Variants in SLC14A2 observed in about 807,000 individuals in gnomAD.
SLC14A2 encodes the protein urea transporter 2.
A neutral mutation model predicts 104.6 loss-of-function variants in SLC14A2; 91 were observed. The ratio of observed to expected loss-of-function variants is 0.87; its 90% confidence interval spans 0.73 to 1.04. The LOEUF is 1.04. Among genes scored for constraint, SLC14A2 ranks in the 50% least tolerant of loss-of-function variants. The pLI, the probability that SLC14A2 is intolerant of heterozygous loss-of-function variation, is 0.00. For missense variants in SLC14A2, 1,189 were observed against 1,156.0 expected (o/e 1.03, Z -0.41); for synonymous variants, 476 against 466.4 (o/e 1.02, Z -0.27).
At chr18:45,377,370 C>T (rs1213893489) in intron 1 of SLC14A2, among the ~76,000 whole-genome samples, 1 of 152,044 alleles carries the variant, frequency 6.6e-6, no homozygotes, top group Non-Finnish European at 1.5e-5. Flanking sequence ...ATAACATTGG[C>T]ATCTACTCCA....
intron 1 of SLC14A2, among the ~76,000 whole-genome samples, chr18:45,471,321 C>T (rs926367607): frequency 2.0e-5 from 3 of 152,096 alleles, no homozygotes; most frequent in South Asian, 4.1e-4. Flanking sequence ...TTGTTTGTTT[C>T]GCTTTTTGTT....
intron 1 of SLC14A2, among the ~76,000 whole-genome samples, chr18:45,298,445 G>C (rs546100596): frequency 6.6e-6 from 1 of 152,288 alleles, no homozygotes; most frequent in East Asian, 1.9e-4. Flanking sequence ...CGTAGCAAGA[G>C]GTATGGTGTG....
chr18:45,310,154 G>A (rs1387216997), intron 1 of SLC14A2, among the ~76,000 whole-genome samples: 1 of 152,108 alleles, frequency 6.6e-6, no homozygotes, highest in Non-Finnish European at 1.5e-5. Context: ...CCATCCTAAT[G>A]ATGCTTCAAC....
chr18:45,273,247 C>T (rs2084669286), intron 1 of SLC14A2, among the ~76,000 whole-genome samples: 2 of 152,146 alleles, frequency 1.3e-5, no homozygotes, highest in Non-Finnish European at 2.9e-5. Flanking sequence ...ATTACATCCT[C>T]ATAGCTGTAA....
intron 10 of SLC14A2, among the ~76,000 whole-genome samples, chr18:45,661,393 C>T (rs1286933181): frequency 1.3e-5 from 2 of 152,184 alleles, no homozygotes; most frequent in Admixed American, 1.3e-4. Context: ...CTCCGATATC[C>T]AGGTACAGGC....
intron 1 of SLC14A2, among the ~76,000 whole-genome samples, chr18:45,219,909 G>A (rs2143989464): frequency 6.6e-6 from 1 of 152,258 alleles, no homozygotes; most frequent in East Asian, 1.9e-4. Flanking sequence ...AAAATCAAAT[G>A]TAAATAGACC....
intron 1 of SLC14A2, among the ~76,000 whole-genome samples, chr18:45,359,094 C>T (rs2085584866): frequency 1.3e-5 from 2 of 152,060 alleles, no homozygotes; most frequent in Admixed American, 1.3e-4. Context: ...TCACTTTTTA[C>T]AGTCTCTGAA....
At chr18:45,444,058 A>G (rs1568207497) in intron 1 of SLC14A2, among the ~76,000 whole-genome samples, 1 of 152,222 alleles carries the variant, frequency 6.6e-6, no homozygotes, top group African/African-American at 2.4e-5. Context: ...TAGAGTAACC[A>G]TTACCAATGC....
At chr18:45,565,366 C>T (rs980243982) in intron 2 of SLC14A2, among the ~76,000 whole-genome samples, 14 of 152,070 alleles carry the variant, frequency 9.2e-5, no homozygotes, top group Non-Finnish European at 1.9e-4. Flanking sequence ...CCTCATGATC[C>T]GCCCGCCTCG....
At chr18:45,314,133 G>T (rs1467414852) in intron 1 of SLC14A2, among the ~76,000 whole-genome samples, 1 of 152,222 alleles carries the variant, frequency 6.6e-6, no homozygotes, top group Non-Finnish European at 1.5e-5. Context: ...GGTCTTCATG[G>T]CCACAGAGGC....
intron 1 of SLC14A2, among the ~76,000 whole-genome samples, chr18:45,357,633 C>T (rs1212192030): frequency 2.0e-5 from 3 of 151,732 alleles, no homozygotes; most frequent in African/African-American, 2.4e-5. Flanking sequence ...GAAGACCACC[C>T]CACAGTGTGT....
chr18:45,654,028 T>C (rs2144595038), intron 10 of SLC14A2, among the ~76,000 whole-genome samples: 1 of 152,306 alleles, frequency 6.6e-6, no homozygotes. Flanking sequence ...AGTCCCCAGC[T>C]CTGCCTCTTT....
At chr18:45,503,950 A>G (rs1363258816) in intron 2 of SLC14A2, among the ~76,000 whole-genome samples, 1 of 152,224 alleles carries the variant, frequency 6.6e-6, no homozygotes, top group East Asian at 1.9e-4. Context: ...AGCCCCTTCC[A>G]GAACCATCGC....
At chr18:45,400,990 G>A (rs1310987446) in intron 1 of SLC14A2, among the ~76,000 whole-genome samples, 1 of 152,154 alleles carries the variant, frequency 6.6e-6, no homozygotes, top group Non-Finnish European at 1.5e-5. Flanking sequence ...TAGCTCTGTA[G>A]TCAGCCATTT....
intron 1 of SLC14A2, among the ~76,000 whole-genome samples, chr18:45,459,285 G>T (rs1043157382): frequency 6.6e-6 from 1 of 152,174 alleles, no homozygotes; most frequent in Non-Finnish European, 1.5e-5. Flanking sequence ...AGAGTGCCCC[G>T]GCAACTGGGA....
At chr18:45,660,333 G>A (rs1257744817) in intron 10 of SLC14A2, among the ~76,000 whole-genome samples, 4 of 152,164 alleles carry the variant, frequency 2.6e-5, no homozygotes, top group African/African-American at 7.2e-5. Context: ...GTCAATGCAG[G>A]TAGGTGTAAA....
intron 1 of SLC14A2, among the ~76,000 whole-genome samples, chr18:45,418,944 C>CA (rs1470240236): frequency 5.3e-5 from 8 of 152,222 alleles, no homozygotes; most frequent in Admixed American, 4.6e-4. Flanking sequence ...CATGGCTTAG[C>CA]AATCAGAGGG....
intron 1 of SLC14A2, among the ~76,000 whole-genome samples, chr18:45,461,085 C>T (rs1197357155): frequency 6.6e-6 from 1 of 152,182 alleles, no homozygotes; most frequent in African/African-American, 2.4e-5. Flanking sequence ...TCATTGCCCC[C>T]CAAAACTCAC....
chr18:45,241,325 C>T (rs1364783673), intron 1 of SLC14A2, among the ~76,000 whole-genome samples: 1 of 152,134 alleles, frequency 6.6e-6, no homozygotes, highest in Non-Finnish European at 1.5e-5. Flanking sequence ...CTGCTGAGGA[C>T]AGGAAGGCTG....
Sources: allele counts gnomAD v4.1 joint callset (sites outside exome capture counted in the v4.1 genomes callset), GRCh38; gene constraint gnomAD v4.1.1; transcripts MANE v1.5; gene names NCBI Gene and HGNC (gene_info 2026-07-23, HGNC 2026-07-21).